The following SCN10A variants were observed in gnomAD, a reference collection of about 807,000 sequenced individuals.
SCN10A encodes sodium channel protein type 10 subunit alpha.
In SCN10A, 162 loss-of-function variants were observed where a neutral mutation model predicts 170.7. The ratio of observed to expected loss-of-function variants is 0.95; its 90% confidence interval spans 0.84 to 1.08. The LOEUF (loss-of-function observed/expected upper bound fraction) is 1.08. Among genes scored for constraint, SCN10A ranks in the 50% least tolerant of loss-of-function variants. SCN10A has a pLI of 0.00. For missense variants in SCN10A, 2,527 were observed against 2,436.9 expected, an observed-to-expected ratio of 1.04 and a Z score of -0.78; for synonymous variants, 985 against 904.6, an observed-to-expected ratio of 1.09 and a Z score of -1.59.
chr3:38,781,255 A>G (rs546978504), intron 4 of SCN10A, among the ~76,000 whole-genome samples: 4 of 152,038 alleles, frequency 2.6e-5, no homozygotes, highest in South Asian at 2.1e-4. Context: ...CCAAAACCCA[A>G]CTTGCACCAA....
Position 38,718,697 on chromosome 3 carries a change from AC to A in SCN10A, c.3636del (p.Lys1212AsnfsTer15). ...LLKWVAYGFK[K>X]YFTNAWCWLD... ...AGCCAGCACCAGGCATTGGTGAAGT[AC>A]TTTTTGAAGCCATAGGCCACCCACT... On this transcript the variant is annotated frameshift_variant, in exon 21 of 28. Coordinates refer to ENST00000449082, the MANE Select transcript of SCN10A (RefSeq NM_006514.4). LOFTEE classifies it high-confidence loss of function. The A allele has an allele frequency of 2.5e-6, 4 of 1,614,256 alleles. No homozygotes were observed. Among genetic ancestry groups the A allele is most frequent in the Non-Finnish European group, 3.4e-6 (4 of 1,180,040 alleles).
At chr3:38,808,727 C>T (rs1160184215) in intron 1 of SCN10A, among the ~76,000 whole-genome samples, 7 of 152,140 alleles carry the variant, frequency 4.6e-5, no homozygotes, top group East Asian at 1.9e-4. Context: ...GCCCCAAAGA[C>T]GCTGAGGATG....
chr3:38,738,515 G>T (rs1228419298), intron 15 of SCN10A, among the ~76,000 whole-genome samples: 1 of 152,088 alleles, frequency 6.6e-6, no homozygotes, highest in Non-Finnish European at 1.5e-5. Context: ...CCTGAACCAT[G>T]CACCCCCTTC....
At chr3:38,806,167 G>T (rs145258516) in intron 1 of SCN10A, among the ~76,000 whole-genome samples, 1 of 152,094 alleles carries the variant, frequency 6.6e-6, no homozygotes, top group Non-Finnish European at 1.5e-5. Context: ...GAAGAAGAGC[G>T]TAATTCAAGA....
chr3:38,785,295 T>C (rs1007663840), intron 4 of SCN10A, among the ~76,000 whole-genome samples: 1 of 152,046 alleles, frequency 6.6e-6, no homozygotes, highest in South Asian at 2.1e-4. Context: ...TCTAGACCAA[T>C]GGAACAGAAC....
intron 1 of SCN10A, among the ~76,000 whole-genome samples, chr3:38,809,060 T>G (rs191130231): frequency 7.9e-5 from 12 of 152,312 alleles, no homozygotes; most frequent in African/African-American, 2.9e-4. Context: ...CTGGAAATAA[T>G]GTTATGGCTC....
In SCN10A at chr3:38,716,921, A is replaced by G. The variant is rs558303944; in HGVS notation, c.3681+1732T>C. ...GGAAGGGAAAGGGATGAATGAACAG[A>G]TAAGTGGAAGAAAGGAAGAATAGAT... On this transcript the variant is annotated intron_variant, in intron 21 of 27. Transcript: ENST00000449082. Among the ~76,000 whole-genome samples the G allele has an allele frequency of 2.6e-5, 4 of 152,324 alleles. No individual in the cohort carries two copies. In the South Asian group the frequency reaches 6.2e-4, roughly 24 times the overall value.
At chr3:38,757,579 A>G (rs74587293) in intron 8 of SCN10A, among the ~76,000 whole-genome samples, 2,109 of 152,310 alleles carry the variant, frequency 0.014, 51 homozygotes, top group African/African-American at 0.047. Flanking sequence ...CAGTGGAAAT[A>G]ACACTTTCCA....
chr3:38,742,882 A>G (rs1208053616), intron 13 of SCN10A, among the ~76,000 whole-genome samples: 1 of 151,956 alleles, frequency 6.6e-6, no homozygotes, highest in Non-Finnish European at 1.5e-5. Flanking sequence ...CTCCTCCTTC[A>G]TTGTACTTGC....
Position 38,808,991 on chromosome 3 carries a change from C to A in SCN10A, c.-33+7046G>T, listed in dbSNP as rs9854482. Among the ~76,000 whole-genome samples, 391 of 152,276 alleles carry A rather than the reference C, an allele frequency of 2.6e-3. 2 individuals are homozygous for A. Among genetic ancestry groups the A allele is most frequent in the African/African-American group, 9.0e-3 (375 of 41,560 alleles). ...TTTTGTCTTTGAGAGGCAGTTACTA[C>A]ACAGGAAGATGAAGAAGTGCTCTGA... On this transcript the variant is annotated intron_variant, in intron 1 of 27. Coordinates refer to ENST00000449082, the MANE Select transcript of SCN10A (RefSeq NM_006514.4).
chr3:38,752,302 T>A lies in SCN10A; in HGVS notation c.1672A>T (p.Ser558Cys). The A allele has an allele frequency of 6.2e-7, 1 of 1,608,744 alleles. No individual in the cohort carries two copies. ...TCTCCATGCCTGGAGTCAGGGTTGC[T>A]GGGTTGAGGAAGAGGGCTTCTAGGG... ...PLPRSPLPQP[S>C]NPDSRHGEDE... The change falls in exon 12 of 28, where the codon AGC (serine) becomes TGC (cysteine). Residue 558 changes from serine to cysteine, a missense_variant. Ser to Cys is a moderately radical substitution (Grantham distance 112). Coordinates refer to ENST00000449082, the MANE Select transcript of SCN10A (RefSeq NM_006514.4).
intron 6 of SCN10A, 101 bp downstream of exon 6, chr3:38,763,404 G>T: frequency 1.1e-6 from 1 of 905,400 alleles, no homozygotes; most frequent in Non-Finnish European, 1.8e-6. Flanking sequence ...TGTAAGTGGG[G>T]ACAATAGTCT....
intron 13 of SCN10A, among the ~76,000 whole-genome samples, chr3:38,744,494 A>AT (rs1221729883): frequency 6.6e-6 from 1 of 150,454 alleles, no homozygotes; most frequent in East Asian, 1.9e-4. Flanking sequence ...TTTATTTTAA[A>AT]TTTTTTTCTT....
intron 1 of SCN10A, among the ~76,000 whole-genome samples, chr3:38,794,850 A>G (rs2064328520): frequency 6.6e-6 from 1 of 152,028 alleles, no homozygotes; most frequent in Non-Finnish European, 1.5e-5. Flanking sequence ...CAATGACCAT[A>G]TTTCCTAGTT....
At chr3:38,814,615 G>A (rs190335893) in intron 1 of SCN10A, among the ~76,000 whole-genome samples, 1 of 152,268 alleles carries the variant, frequency 6.6e-6, no homozygotes, top group African/African-American at 2.4e-5. Flanking sequence ...TCCTTCTGAT[G>A]ATTGTTATCT....
At position 38,728,654 on chromosome 3, in the gene SCN10A, A is replaced by T; in HGVS notation, c.2528T>A (p.Phe843Tyr). The T allele has an allele frequency of 6.2e-7, 1 of 1,614,190 alleles. No homozygotes were observed. Among genetic ancestry groups the T allele is most frequent in the Non-Finnish European group, 8.5e-7 (1 of 1,180,032 alleles). ...AATCCACTCTCCACAGAGGATACGG[A>T]AGACAATGAGGAAAGAGTGGAAGAA... is the stretch of plus-strand genomic sequence containing the variant. The part of the protein sequence containing the change: ...HDFFHSFLIV[F>Y]RILCGEWIEN... Residue 843 changes from phenylalanine (F) to tyrosine (Y), a missense_variant, in exon 16 of 28, where the codon TTC becomes TAC. By Grantham distance (22) the Phe-to-Tyr change is conservative. Transcript: ENST00000449082.
intron 21 of SCN10A, among the ~76,000 whole-genome samples, chr3:38,715,400 C>T (rs184015310): frequency 7.2e-4 from 110 of 152,336 alleles, no homozygotes; most frequent in African/African-American, 2.5e-3. Context: ...TGATTATGAT[C>T]ATGTCTTTCT....
chr3:38,740,154 A>G (rs2063615659), intron 14 of SCN10A, among the ~76,000 whole-genome samples: 1 of 152,242 alleles, frequency 6.6e-6, no homozygotes, highest in African/African-American at 2.4e-5. Flanking sequence ...AAATGAGCCA[A>G]TGCATGTGCA....
At position 38,726,738 on chromosome 3, in the gene SCN10A, A is replaced by G. The variant is rs1240204400; in HGVS notation, c.2955T>C (p.Ser985=). ...QAPRGPRDEH[S]DFIANPTVWV... is the part of the protein sequence containing the mutation. Reference sequence around the variant, plus strand: ...ACACAGTCGGATTAGCGATGAAGTCACTGTGCTCATCCCTGGGGCCTCTGG... The same window carrying G: ...ACACAGTCGGATTAGCGATGAAGTCGCTGTGCTCATCCCTGGGGCCTCTGG... Residue 985 remains serine (S), a synonymous_variant, in exon 17 of 28, where the codon AGT becomes AGC. Coordinates refer to ENST00000449082, the MANE Select transcript of SCN10A (RefSeq NM_006514.4). 2 of 1,613,120 alleles carry G rather than the reference A, an allele frequency of 1.2e-6. No individual in the cohort carries two copies. Among genetic ancestry groups the G allele is most frequent in the Non-Finnish European group, 1.7e-6 (2 of 1,179,102 alleles).
Sources: gnomAD v4.1 joint callset for allele counts (sites outside exome capture counted in the v4.1 genomes callset) on GRCh38, gnomAD v4.1.1 for gene constraint, MANE v1.5 for transcripts, NCBI Gene and HGNC (gene_info 2026-07-23, HGNC 2026-07-21) for gene names.